SGMS1: variants seen among roughly 807,000 people sequenced by gnomAD.
SGMS1 encodes the protein phosphatidylcholine:ceramide cholinephosphotransferase 1.
Under a neutral mutation model 46.2 loss-of-function variants are expected in SGMS1, and 13 were observed. The observed-to-expected ratio is 0.28, with a 90% CI of 0.18 to 0.45. The LOEUF is 0.45. SGMS1 is among the 20% of genes least tolerant of loss of function. SGMS1 has a pLI of 1.00. For synonymous variants in SGMS1, 203 were observed against 187.8 expected (o/e 1.08, Z -0.66); for missense variants, 324 against 519.9 (o/e 0.62, Z 3.66).
intron 7 of SGMS1, among the ~76,000 whole-genome samples, chr10:50,339,856 T>G (rs959365851): frequency 6.6e-6 from 1 of 151,662 alleles, no homozygotes; most frequent in African/African-American, 2.4e-5. Context: ...AACTGTGGAG[T>G]GGAGTAGCTA....
intron 6 of SGMS1, among the ~76,000 whole-genome samples, chr10:50,355,170 A>G (rs1455191981): frequency 1.3e-5 from 2 of 152,258 alleles, no homozygotes; most frequent in East Asian, 1.9e-4. Context: ...ACTATTCACA[A>G]TAGCAAAGAC....
chr10:50,422,934 G>A (rs1849275022), intron 6 of SGMS1, among the ~76,000 whole-genome samples: 1 of 152,066 alleles, frequency 6.6e-6, no homozygotes, highest in South Asian at 2.1e-4. Flanking sequence ...ATGACAGATG[G>A]GGAAAAAAAC....
At chr10:50,510,090 A>G (rs1837740592) in intron 3 of SGMS1, among the ~76,000 whole-genome samples, 1 of 152,130 alleles carries the variant, frequency 6.6e-6, no homozygotes, top group East Asian at 1.9e-4. Context: ...GGCAGTCATG[A>G]TCTATTTTCT....
At chr10:50,545,991 T>C (rs67025766) in intron 2 of SGMS1, among the ~76,000 whole-genome samples, 7,456 of 152,236 alleles carry the variant, frequency 0.049, 530 homozygotes, top group African/African-American at 0.16. Context: ...TAGTTACTTA[T>C]ACATTTTGGG....
intron 8 of SGMS1, among the ~76,000 whole-genome samples, chr10:50,322,454 C>G (rs138170739): frequency 6.6e-6 from 1 of 152,328 alleles, no homozygotes; most frequent in East Asian, 1.9e-4. Flanking sequence ...AAAAACCTTA[C>G]CAACGGGAAG....
intron 8 of SGMS1, among the ~76,000 whole-genome samples, chr10:50,320,383 A>G (rs560424473): frequency 6.6e-6 from 1 of 152,326 alleles, no homozygotes; most frequent in East Asian, 1.9e-4. Context: ...TGTTATAAAA[A>G]TTAAATAAAA....
chr10:50,431,982 T>C (rs970720656), intron 6 of SGMS1, among the ~76,000 whole-genome samples: 1 of 152,200 alleles, frequency 6.6e-6, no homozygotes, highest in Non-Finnish European at 1.5e-5. Flanking sequence ...GCATCTATTT[T>C]CAATTCCAGA....
At chr10:50,532,565 C>A (rs1813934205) in intron 2 of SGMS1, among the ~76,000 whole-genome samples, 1 of 152,118 alleles carries the variant, frequency 6.6e-6, no homozygotes, top group African/African-American at 2.4e-5. Flanking sequence ...AAACTGGTTT[C>A]TTAACATGTT....
chr10:50,502,306 GAAAAA>G (rs71471395), intron 3 of SGMS1, among the ~76,000 whole-genome samples: 2 of 130,966 alleles, frequency 1.5e-5, no homozygotes, highest in Middle Eastern at 4.0e-3. Flanking sequence ...AATGAGGAAA[GAAAAA>G]AAAAAAAAAA....
intron 1 of SGMS1, among the ~76,000 whole-genome samples, chr10:50,618,821 T>A (rs1039947772): frequency 6.6e-6 from 1 of 152,160 alleles, no homozygotes; most frequent in Non-Finnish European, 1.5e-5. Flanking sequence ...TTCCCATGTA[T>A]CAGAATCTCC....
intron 2 of SGMS1, among the ~76,000 whole-genome samples, chr10:50,587,406 G>A (rs1040620871): frequency 2.0e-5 from 3 of 152,212 alleles, no homozygotes; most frequent in African/African-American, 4.8e-5. Context: ...AGGCCAAGGC[G>A]GGTGGATCAC....
chr10:50,392,797 G>A (rs1014500344), intron 6 of SGMS1, among the ~76,000 whole-genome samples: 2 of 152,188 alleles, frequency 1.3e-5, no homozygotes, highest in African/African-American at 4.8e-5. Context: ...CTAAGTAGGG[G>A]AAAGGGAGAG....
At chr10:50,319,856 C>T (rs186251210) in intron 8 of SGMS1, among the ~76,000 whole-genome samples, 1 of 152,266 alleles carries the variant, frequency 6.6e-6, no homozygotes, top group African/African-American at 2.4e-5. Flanking sequence ...AATTAATAAG[C>T]AATCTGTTAT....
chr10:50,437,996 G>A (rs1038860592), intron 5 of SGMS1, among the ~76,000 whole-genome samples: 1 of 152,198 alleles, frequency 6.6e-6, no homozygotes, highest in East Asian at 1.9e-4. Flanking sequence ...GAGAAGAGGA[G>A]GAAAAGCCAC....
chr10:50,446,492 A>T (rs1048952977), intron 5 of SGMS1, among the ~76,000 whole-genome samples: 3 of 152,260 alleles, frequency 2.0e-5, no homozygotes, highest in Non-Finnish European at 4.4e-5. Flanking sequence ...TAATGTTCAC[A>T]GTAGTTATAT....
At chr10:50,412,651 A>G (rs1457448938) in intron 6 of SGMS1, among the ~76,000 whole-genome samples, 1 of 152,244 alleles carries the variant, frequency 6.6e-6, no homozygotes, top group Admixed American at 6.5e-5. Context: ...ATTTGCACAT[A>G]CATTTGCTAG....
Position 50,396,623 on chromosome 10 carries a change from TA to T in SGMS1, c.-232+36852del, listed in dbSNP as rs1281186152. Among the ~76,000 whole-genome samples, 16 of 152,266 alleles carry T rather than the reference TA, an allele frequency of 1.1e-4. No homozygotes were observed. In the South Asian group the frequency reaches 3.3e-3, roughly 32 times the overall value. Reference sequence around the variant, plus strand: ...CTTTCCAAGCCAGTTTCCCTGTCTATAAAAATATGGATACCATCACCTGACT... The same window carrying T: ...CTTTCCAAGCCAGTTTCCCTGTCTATAAAATATGGATACCATCACCTGACT... On this transcript the variant is annotated intron_variant, in intron 6 of 10. Transcript: ENST00000361781.
At chr10:50,557,959 A>G (rs1373603490) in intron 2 of SGMS1, among the ~76,000 whole-genome samples, 1 of 152,250 alleles carries the variant, frequency 6.6e-6, no homozygotes, top group African/African-American at 2.4e-5. Flanking sequence ...TAACTTACAT[A>G]GACACCGTAA....
intron 4 of SGMS1, among the ~76,000 whole-genome samples, chr10:50,461,763 T>C (rs1043461084): frequency 1.3e-5 from 2 of 152,202 alleles, no homozygotes; most frequent in East Asian, 1.9e-4. Context: ...GGCTTAATTC[T>C]ATAAAGAAAC....
Sources: allele counts gnomAD v4.1 joint callset (sites outside exome capture counted in the v4.1 genomes callset), GRCh38; gene constraint gnomAD v4.1.1; transcripts MANE v1.5; gene names NCBI Gene and HGNC (gene_info 2026-07-23, HGNC 2026-07-21).